ATG10: variants seen among roughly 807,000 people sequenced by gnomAD.
The protein encoded by ATG10 is ubiquitin-like-conjugating enzyme ATG10.
ATG10 carries 30 observed loss-of-function variants against 32.1 expected under a neutral mutation model. The observed-to-expected ratio is 0.94, with a 90% confidence interval of 0.70 to 1.27. ATG10 has a LOEUF of 1.27. Among genes scored for constraint, ATG10 ranks in the 50% most tolerant of loss-of-function variants. The pLI, the probability that ATG10 is intolerant of heterozygous loss-of-function variation, is 0.00. For synonymous variants in ATG10, 87 were observed against 91.5 expected (o/e 0.95, Z 0.28); for missense variants, 233 against 262.3 (o/e 0.89, Z 0.77).
At chr5:81,993,310 C>CCTTT (rs869275729) in intron 2 of ATG10, among the ~76,000 whole-genome samples, 1 of 61,430 alleles carries the variant, frequency 1.6e-5, no homozygotes, top group Non-Finnish European at 3.5e-5. Context: ...TCCTTTCTTT[C>CCTTT]CTTTCTTTCT....
intron 5 of ATG10, among the ~76,000 whole-genome samples, chr5:82,239,620 A>G (rs970911475): frequency 2.0e-5 from 3 of 152,174 alleles, no homozygotes; most frequent in African/African-American, 7.2e-5. Flanking sequence ...TGTAGGTAAG[A>G]AGAAGCAGTG....
intron 5 of ATG10, among the ~76,000 whole-genome samples, chr5:82,224,751 A>G (rs1339680229): frequency 6.6e-6 from 1 of 152,198 alleles, no homozygotes; most frequent in African/African-American, 2.4e-5. Context: ...AATGGAGGCC[A>G]GTGAAAGTAG....
At chr5:81,973,879 GT>G (rs769989526) in intron 1 of ATG10, among the ~76,000 whole-genome samples, 1 of 152,204 alleles carries the variant, frequency 6.6e-6, no homozygotes, top group Non-Finnish European at 1.5e-5. Context: ...GGAAATAGTA[GT>G]TCTAAATTGC....
At chr5:82,076,289 A>C (rs1348937601) in intron 3 of ATG10, among the ~76,000 whole-genome samples, 2 of 152,106 alleles carry the variant, frequency 1.3e-5, no homozygotes, top group African/African-American at 4.8e-5. Context: ...ATTTGTAATA[A>C]GTTTCTTAGG....
At chr5:82,119,385 A>G (rs1765953047) in intron 3 of ATG10, among the ~76,000 whole-genome samples, 1 of 152,186 alleles carries the variant, frequency 6.6e-6, no homozygotes, top group African/African-American at 2.4e-5. Context: ...GGGTATTATT[A>G]TAACATTTGT....
At chr5:82,099,771 T>A (rs1442888863) in intron 3 of ATG10, among the ~76,000 whole-genome samples, 1 of 152,086 alleles carries the variant, frequency 6.6e-6, no homozygotes, top group Non-Finnish European at 1.5e-5. Flanking sequence ...AGTCTTGGTT[T>A]TTCTGAAGGC....
At chr5:81,996,707 G>A (rs546870816) in intron 2 of ATG10, among the ~76,000 whole-genome samples, 27 of 152,280 alleles carry the variant, frequency 1.8e-4, no homozygotes, top group African/African-American at 6.3e-4. Context: ...ATTTGTAGAC[G>A]GAATATCATA....
At chr5:82,010,176 TG>T in intron 2 of ATG10, 1 of 1,167,332 alleles carries the variant, frequency 8.6e-7, no homozygotes, top group Non-Finnish European at 1.2e-6. Flanking sequence ...TCTTGGAGAA[TG>T]TTTCCAAGTA....
chr5:82,070,877 C>G (rs775364651), intron 3 of ATG10, among the ~76,000 whole-genome samples: 27 of 152,108 alleles, frequency 1.8e-4, no homozygotes, highest in Non-Finnish European at 3.7e-4. Context: ...CAAAATCAAG[C>G]TATGGAAATT....
chr5:82,044,379 G>A (rs574342071), intron 2 of ATG10, among the ~76,000 whole-genome samples: 6 of 152,222 alleles, frequency 3.9e-5, no homozygotes, highest in Admixed American at 3.9e-4. Flanking sequence ...AGATTTGGGT[G>A]GAGACACAAA....
chr5:82,151,114 AATCCATTG>A (rs1413313510), intron 3 of ATG10, among the ~76,000 whole-genome samples: 7 of 152,262 alleles, frequency 4.6e-5, no homozygotes, highest in Non-Finnish European at 7.3e-5. Context: ...CTTGCAAAAC[AATCCATTG>A]AGATGTGAGA....
At chr5:82,041,512 G>A (rs1337900227) in intron 2 of ATG10, among the ~76,000 whole-genome samples, 1 of 152,140 alleles carries the variant, frequency 6.6e-6, no homozygotes, top group Non-Finnish European at 1.5e-5. Flanking sequence ...AAAGACCTTA[G>A]AGTACTTAGG....
intron 3 of ATG10, among the ~76,000 whole-genome samples, chr5:82,104,750 T>C (rs1439015802): frequency 6.6e-6 from 1 of 152,164 alleles, no homozygotes; most frequent in East Asian, 1.9e-4. Flanking sequence ...AGAGACCTAC[T>C]GATTTAAGGG....
chr5:82,224,884 T>C (rs1746058542), intron 5 of ATG10, among the ~76,000 whole-genome samples: 1 of 152,224 alleles, frequency 6.6e-6, no homozygotes, highest in African/African-American at 2.4e-5. Context: ...TAGACCTTCC[T>C]TGAAATGCCT....
chr5:82,251,367 A>G (rs1319032188), intron 5 of ATG10, among the ~76,000 whole-genome samples: 1 of 152,230 alleles, frequency 6.6e-6, no homozygotes, highest in African/African-American at 2.4e-5. Flanking sequence ...CCCCTAGTCT[A>G]AATCCAGCCT....
intron 2 of ATG10, among the ~76,000 whole-genome samples, chr5:82,035,055 G>A (rs552271912): frequency 6.6e-6 from 1 of 152,102 alleles, no homozygotes; most frequent in South Asian, 2.1e-4. Context: ...GAGATTACAG[G>A]CATCTGCCAC....
intron 2 of ATG10, among the ~76,000 whole-genome samples, chr5:82,015,840 C>A (rs930501184): frequency 1.3e-5 from 2 of 152,246 alleles, no homozygotes; most frequent in African/African-American, 2.4e-5. Flanking sequence ...CAAAGTCATT[C>A]TCCGTCTAGC....
intron 5 of ATG10, among the ~76,000 whole-genome samples, chr5:82,242,423 G>C (rs1746841879): frequency 6.6e-6 from 1 of 152,104 alleles, no homozygotes; most frequent in African/African-American, 2.4e-5. Flanking sequence ...TCCAGGAGGA[G>C]AGGCTAGAGA....
chr5:82,101,640 G>A (rs935299909), intron 3 of ATG10, among the ~76,000 whole-genome samples: 1 of 152,098 alleles, frequency 6.6e-6, no homozygotes, highest in African/African-American at 2.4e-5. Flanking sequence ...ATATAGAGAA[G>A]AATTTCCTAA....
Sources: allele counts gnomAD v4.1 joint callset (sites outside exome capture counted in the v4.1 genomes callset), GRCh38; gene constraint gnomAD v4.1.1; transcripts MANE v1.5; gene names NCBI Gene and HGNC (gene_info 2026-07-23, HGNC 2026-07-21).